Variants in MAGI2 observed in about 807,000 individuals in gnomAD.
The protein encoded by MAGI2 is membrane-associated guanylate kinase, WW and PDZ domain-containing protein 2.
In MAGI2, 35 loss-of-function variants were observed where a neutral mutation model predicts 133.3. The observed-to-expected ratio is 0.26, with a 90% CI of 0.20 to 0.35. The LOEUF (loss-of-function observed/expected upper bound fraction) is 0.35, where lower values mean the gene tolerates loss of function less well. Among genes scored for constraint, MAGI2 ranks in the 10% least tolerant of loss-of-function variants. The pLI is 1.00. For synonymous variants in MAGI2, 729 were observed against 710.6 expected (o/e 1.03, Z -0.41); for missense variants, 1,636 against 1,863.4 (o/e 0.88, Z 2.25).
chr7:78,176,580 C>T (rs961024200), intron 14 of MAGI2, among the ~76,000 whole-genome samples: 2 of 152,306 alleles, frequency 1.3e-5, no homozygotes. Flanking sequence ...TTCACCCAGG[C>T]AATCTACTTT....
In MAGI2 at chr7:78,613,587, T is replaced by C. The variant is rs977092741; in HGVS notation, c.538+13533A>G. Among the ~76,000 whole-genome samples the C allele has an allele frequency of 5.9e-5, 9 of 152,108 alleles. No individual in the cohort carries two copies. In the East Asian group the frequency reaches 7.7e-4, roughly 13 times the overall value. On this transcript the variant is annotated intron_variant, in intron 3 of 21. Coordinates refer to ENST00000354212, the MANE Select transcript of MAGI2 (RefSeq NM_012301.4). ...AAGTAAAAGTACAGAAAGCAAATAA[T>C]GTCAATGAGCTTTTGGTAGAAACAA...
At chr7:79,137,451 T>TTG (rs10640698) in intron 1 of MAGI2, among the ~76,000 whole-genome samples, 1 of 20,338 alleles carries the variant, frequency 4.9e-5, no homozygotes, top group Non-Finnish European at 3.9e-4. Flanking sequence ...GTGTTTTTTG[T>TTG]TTTTTTTTTT....
intron 2 of MAGI2, among the ~76,000 whole-genome samples, chr7:78,977,200 C>T (rs1275935756): frequency 4.6e-5 from 7 of 151,606 alleles, no homozygotes; most frequent in African/African-American, 1.7e-4. Context: ...TACTACAAAG[C>T]TGTAGTAGTC....
chr7:78,632,285 T>C (rs754185460), intron 2 of MAGI2, among the ~76,000 whole-genome samples: 10 of 152,228 alleles, frequency 6.6e-5, no homozygotes, highest in Non-Finnish European at 1.3e-4. Context: ...TAAATCTTAT[T>C]AATTGACCAT....
At chr7:79,134,893 T>A (rs1328824464) in intron 1 of MAGI2, among the ~76,000 whole-genome samples, 2 of 152,200 alleles carry the variant, frequency 1.3e-5, no homozygotes, top group African/African-American at 4.8e-5. Flanking sequence ...TGATTCCCTG[T>A]TTGTGTATTA....
intron 1 of MAGI2, among the ~76,000 whole-genome samples, chr7:79,372,808 GA>G (rs2129135253): frequency 6.6e-6 from 1 of 152,074 alleles, no homozygotes; most frequent in East Asian, 1.9e-4. Flanking sequence ...AAAGAAAATA[GA>G]ATAGCCTTTT....
chr7:79,254,871 A>G (rs930352862), intron 1 of MAGI2, among the ~76,000 whole-genome samples: 2 of 152,208 alleles, frequency 1.3e-5, no homozygotes, highest in Non-Finnish European at 2.9e-5. Context: ...CTTTGGAGGT[A>G]AGAAAACTGG....
rs185051013 is a variant in MAGI2, at chr7:78,621,636, A to G, written c.538+5484T>C. On this transcript the variant is annotated intron_variant, in intron 3 of 21. Transcript: ENST00000354212. ...AGAAAGGCTTTAAGAATCAACTAAA[A>G]CCCTACCTACAGCCATGTGGCATAG... 4.5e-3 allele frequency among the ~76,000 whole-genome samples: 685 copies of G among 151,886 alleles called. 3 individuals carry two copies. The highest frequency in any genetic ancestry group is 6.2e-3 in the Non-Finnish European group (423 of 67,888).
chr7:79,129,655 C>T (rs992840381), intron 1 of MAGI2, among the ~76,000 whole-genome samples: 14 of 152,224 alleles, frequency 9.2e-5, no homozygotes, highest in African/African-American at 2.4e-4. Context: ...GCTTTAAATA[C>T]GATGCTTGCA....
intron 2 of MAGI2, among the ~76,000 whole-genome samples, chr7:78,956,220 G>C (rs902741887): frequency 1.3e-5 from 2 of 152,056 alleles, no homozygotes; most frequent in Non-Finnish European, 2.9e-5. Context: ...TTTTTCCACA[G>C]TGTAATTTAT....
At chr7:78,159,417 C>T (rs1824740150) in intron 16 of MAGI2, among the ~76,000 whole-genome samples, 1 of 152,168 alleles carries the variant, frequency 6.6e-6, no homozygotes, top group Non-Finnish European at 1.5e-5. Flanking sequence ...GATTTCAGTC[C>T]ACTGCTTAAA....
At chr7:79,122,968 A>C (rs1223310660) in intron 1 of MAGI2, among the ~76,000 whole-genome samples, 1 of 152,190 alleles carries the variant, frequency 6.6e-6, no homozygotes, top group African/African-American at 2.4e-5. Context: ...AGTATGTTTA[A>C]AAAAGAGATA....
chr7:78,690,466 C>G (rs1378492238), intron 2 of MAGI2, among the ~76,000 whole-genome samples: 4 of 152,174 alleles, frequency 2.6e-5, no homozygotes, highest in Admixed American at 2.0e-4. Context: ...ATTTGAAGAA[C>G]TGTAGACATT....
At chr7:78,109,037 G>T (rs1490691368) in intron 20 of MAGI2, among the ~76,000 whole-genome samples, 3 of 151,820 alleles carry the variant, frequency 2.0e-5, no homozygotes, top group Admixed American at 6.6e-5. Flanking sequence ...GGGCGCGGTG[G>T]CTCATGCCTG....
At chr7:79,209,838 C>A (rs188735205) in intron 1 of MAGI2, among the ~76,000 whole-genome samples, 1 of 152,150 alleles carries the variant, frequency 6.6e-6, no homozygotes, top group East Asian at 1.9e-4. Context: ...CTTTTGACTT[C>A]ATGAACTATG....
chr7:78,412,952 C>T (rs1022857901), intron 6 of MAGI2, among the ~76,000 whole-genome samples: 2 of 152,106 alleles, frequency 1.3e-5, no homozygotes, highest in African/African-American at 4.8e-5. Flanking sequence ...TCTCTACTCT[C>T]TGTCTTCCTT....
intron 6 of MAGI2, among the ~76,000 whole-genome samples, chr7:78,403,359 A>G (rs1374957241): frequency 6.6e-6 from 1 of 152,218 alleles, no homozygotes; most frequent in Non-Finnish European, 1.5e-5. Flanking sequence ...ATAGTATTCC[A>G]TGGTGTATAT....
chr7:78,451,248 T>C (rs990097474), intron 6 of MAGI2, among the ~76,000 whole-genome samples: 1 of 152,084 alleles, frequency 6.6e-6, no homozygotes, highest in African/African-American at 2.4e-5. Flanking sequence ...TGGGTGTGAC[T>C]TCAGAAATTT....
intron 9 of MAGI2, among the ~76,000 whole-genome samples, chr7:78,297,913 C>A (rs1456268507): frequency 1.4e-5 from 2 of 147,860 alleles, no homozygotes; most frequent in Non-Finnish European, 3.0e-5. Context: ...TGCAGCGCAC[C>A]AGCATGGCAC....
Sources: allele counts gnomAD v4.1 joint callset (sites outside exome capture counted in the v4.1 genomes callset), GRCh38; gene constraint gnomAD v4.1.1; transcripts MANE v1.5; gene names NCBI Gene and HGNC (gene_info 2026-07-23, HGNC 2026-07-21).